Variants in DGKH observed in about 807,000 individuals in gnomAD.
The protein encoded by DGKH is diacylglycerol kinase eta.
In DGKH, 90 loss-of-function variants were observed where a neutral mutation model predicts 159.3. The ratio of observed to expected loss-of-function variants is 0.57; its 90% CI spans 0.48 to 0.67. The LOEUF (loss-of-function observed/expected upper bound fraction) is 0.67. Among genes scored for constraint, DGKH ranks in the 30% least tolerant of loss-of-function variants. The pLI is 0.00. For synonymous variants in DGKH, 536 were observed against 553.8 expected, an observed-to-expected ratio of 0.97 and a Z score of 0.45; for missense variants, 1,181 against 1,506.1, an observed-to-expected ratio of 0.78 and a Z score of 3.57.
At chr13:42,220,861 T>C (rs1269621377) in intron 28 of DGKH, among the ~76,000 whole-genome samples, 1 of 152,220 alleles carries the variant, frequency 6.6e-6, no homozygotes, top group Non-Finnish European at 1.5e-5. Context: ...GATTTTAAAT[T>C]GTAATTAGCA....
At chr13:42,119,816 T>A (rs902919492) in intron 1 of DGKH, among the ~76,000 whole-genome samples, 10 of 152,240 alleles carry the variant, frequency 6.6e-5, no homozygotes, top group South Asian at 6.2e-4. Context: ...TATTCCTTTC[T>A]CATCAAGTTA....
At chr13:42,043,115 C>A (rs1880610252) in intron 1 of DGKH, among the ~76,000 whole-genome samples, 3 of 152,092 alleles carry the variant, frequency 2.0e-5, no homozygotes, top group Non-Finnish European at 4.4e-5. Flanking sequence ...AGAATCTGAT[C>A]AAAGCTATGG....
At chr13:42,188,119 T>C (rs898778394) in intron 14 of DGKH, among the ~76,000 whole-genome samples, 1 of 152,230 alleles carries the variant, frequency 6.6e-6, no homozygotes, top group African/African-American at 2.4e-5. Context: ...CTCTTGTCTT[T>C]CTGCTCTGTG....
At chr13:42,151,605 A>AC (rs1484839571) in intron 3 of DGKH, among the ~76,000 whole-genome samples, 1 of 132,464 alleles carries the variant, frequency 7.5e-6, no homozygotes, top group East Asian at 2.4e-4. Context: ...ACACACACAC[A>AC]CACACACACC....
At chr13:42,067,245 A>T (rs1882645537) in intron 1 of DGKH, among the ~76,000 whole-genome samples, 1 of 152,186 alleles carries the variant, frequency 6.6e-6, no homozygotes, top group Non-Finnish European at 1.5e-5. Context: ...TTAAGGGAAA[A>T]ATAGTATTAA....
chr13:42,164,987 C>T (rs1461003730), intron 7 of DGKH, among the ~76,000 whole-genome samples: 2 of 151,034 alleles, frequency 1.3e-5, no homozygotes, highest in African/African-American at 2.4e-5. Context: ...GGTTAGTTTC[C>T]GTCCTTCTTC....
chr13:42,238,883 G>T lies in DGKH; in HGVS notation c.*9695G>T. On this transcript the variant is annotated 3_prime_UTR_variant, in exon 30 of 30. Transcript: ENST00000337343. The stretch of plus-strand genomic sequence containing the variant: ...TCACTATCTGATTCTTGACCTAAAG[G>T]TTTCTTTGCTAAATCTGATATTTAT... 6.6e-6 allele frequency: 1 copy of T among 152,136 alleles called. No individual in the cohort carries two copies. Among genetic ancestry groups the T allele is most frequent in the South Asian group, 2.1e-4 (1 of 4,808 alleles). 9.4% of individuals were successfully genotyped at this position (152,136 alleles called of 1,614,324 possible).
At chr13:42,161,792 A>AG (rs991112099) in intron 7 of DGKH, among the ~76,000 whole-genome samples, 2 of 151,930 alleles carry the variant, frequency 1.3e-5, no homozygotes, top group African/African-American at 4.8e-5. Context: ...AAAAAAAAAA[A>AG]AAGAAAAGAA....
At chr13:42,094,792 G>A (rs1431067611) in intron 1 of DGKH, among the ~76,000 whole-genome samples, 1 of 152,166 alleles carries the variant, frequency 6.6e-6, no homozygotes, top group Non-Finnish European at 1.5e-5. Context: ...CAAATTGACA[G>A]ATTCCTGCAT....
intron 1 of DGKH, among the ~76,000 whole-genome samples, chr13:42,065,003 T>G (rs1882456696): frequency 6.6e-6 from 1 of 152,202 alleles, no homozygotes; most frequent in Admixed American, 6.5e-5. Flanking sequence ...ATGTAAACGT[T>G]CATAAGGATA....
At chr13:42,174,860 T>G (rs1016182155) in intron 12 of DGKH, among the ~76,000 whole-genome samples, 32 of 152,104 alleles carry the variant, frequency 2.1e-4, no homozygotes, top group Non-Finnish European at 1.5e-4. Flanking sequence ...CATGAGACAC[T>G]GTGGCCGGCC....
intron 29 of DGKH, among the ~76,000 whole-genome samples, chr13:42,251,092 G>T (rs1220360066): frequency 6.6e-6 from 1 of 152,052 alleles, no homozygotes; most frequent in East Asian, 1.9e-4. Flanking sequence ...TATATTGAAA[G>T]AATAAAATGG....
exon 1 of DGKH, chr13:42,040,106 G>A (rs1273684551): frequency 6.6e-6 from 1 of 152,302 alleles, no homozygotes; most frequent in African/African-American, 2.4e-5. Context: ...GTGCGGCTGA[G>A]TTTTCGCTCC....
At chr13:42,209,551 T>G in intron 23 of DGKH, 86 bp downstream of exon 23, 6 of 1,361,692 alleles carry the variant, frequency 4.4e-6, no homozygotes, top group East Asian at 2.6e-5. Flanking sequence ...ATGAAAACAT[T>G]TAAATTGTCT....
At chr13:42,082,984 A>G (rs185471033) in intron 1 of DGKH, among the ~76,000 whole-genome samples, 47 of 152,338 alleles carry the variant, frequency 3.1e-4, no homozygotes, top group African/African-American at 1.1e-3. Context: ...GGTTTATGCT[A>G]GAGGCTCTTA....
chr13:42,125,901 G>A (rs10454613), intron 1 of DGKH, among the ~76,000 whole-genome samples: 18,875 of 151,952 alleles, frequency 0.12, 1,549 homozygotes, highest in Admixed American at 0.22. Context: ...GATATTGTCA[G>A]TGTGCAATCC....
At chr13:42,075,829 G>C (rs1344229800) in intron 1 of DGKH, among the ~76,000 whole-genome samples, 2 of 152,194 alleles carry the variant, frequency 1.3e-5, no homozygotes, top group Non-Finnish European at 1.5e-5. Flanking sequence ...TTGTCACCTT[G>C]TTTCTGCCAG....
chr13:42,056,365 C>T (rs17062754), intron 1 of DGKH, among the ~76,000 whole-genome samples: 1 of 151,956 alleles, frequency 6.6e-6, no homozygotes, highest in Non-Finnish European at 1.5e-5. Flanking sequence ...GAATCTCTGA[C>T]CTTCTCACTG....
At chr13:42,042,804 A>G (rs1047461550) in intron 1 of DGKH, among the ~76,000 whole-genome samples, 1 of 152,228 alleles carries the variant, frequency 6.6e-6, no homozygotes, top group Admixed American at 6.5e-5. Flanking sequence ...ACTTTTTACA[A>G]GCGACTTTAT....
Sources: gnomAD v4.1 joint callset for allele counts (sites outside exome capture counted in the v4.1 genomes callset) on GRCh38, gnomAD v4.1.1 for gene constraint, MANE v1.5 for transcripts, NCBI Gene and HGNC (gene_info 2026-07-23, HGNC 2026-07-21) for gene names.